CRADD: variants seen among roughly 807,000 people sequenced by gnomAD.
The protein encoded by CRADD is CARD and death domain containing adaptor protein, also known as death domain-containing protein CRADD.
Under a neutral mutation model 15.5 loss-of-function variants are expected in CRADD, and 9 were observed. The observed-to-expected ratio is 0.58, with a 90% CI of 0.35 to 1.01. The LOEUF (loss-of-function observed/expected upper bound fraction) is 1.01. Among genes scored for constraint, CRADD ranks in the 50% least tolerant of loss-of-function variants. The pLI is 0.02. For missense variants in CRADD, 227 were observed against 250.3 expected, an observed-to-expected ratio of 0.91 and a Z score of 0.63; for synonymous variants, 118 against 107.6, an observed-to-expected ratio of 1.10 and a Z score of -0.60.
intron 2 of CRADD, among the ~76,000 whole-genome samples, chr12:93,703,978 C>CTTTTTCT (rs1955889832): frequency 1.1e-5 from 1 of 90,270 alleles, no homozygotes; most frequent in Non-Finnish European, 2.2e-5. Context: ...TGGAGCCTTT[C>CTTTTTCT]TTTTTTTTTT....
intron 2 of CRADD, among the ~76,000 whole-genome samples, chr12:93,702,269 A>T (rs575630426): frequency 6.6e-6 from 1 of 152,254 alleles, no homozygotes; most frequent in South Asian, 2.1e-4. Context: ...GAGTTGTTGG[A>T]TGATCTTGAT....
At chr12:93,849,610 A>C (rs530689260) in intron 2 of CRADD, among the ~76,000 whole-genome samples, 1 of 152,158 alleles carries the variant, frequency 6.6e-6, no homozygotes, top group East Asian at 1.9e-4. Flanking sequence ...GCATGGTGGC[A>C]GTTGCCTGTA....
intron 2 of CRADD, among the ~76,000 whole-genome samples, chr12:93,757,948 G>A (rs1365736951): frequency 6.6e-6 from 1 of 152,222 alleles, no homozygotes; most frequent in Non-Finnish European, 1.5e-5. Context: ...TGGCAGTGGT[G>A]CAGATAGAAA....
At chr12:93,738,244 G>A in intron 2 of CRADD, 1 of 632,504 alleles carries the variant, frequency 1.6e-6, no homozygotes, top group Non-Finnish European at 2.8e-6. Flanking sequence ...GGGGTGGGGA[G>A]CTGGAGAAGA....
chr12:93,716,716 C>A (rs1956170625), intron 2 of CRADD, among the ~76,000 whole-genome samples: 1 of 152,130 alleles, frequency 6.6e-6, no homozygotes, highest in African/African-American at 2.4e-5. Flanking sequence ...TAGCTCGTTT[C>A]CTTTTAGTGC....
chr12:93,847,516 A>AAAAAAC (rs1958143724), intron 2 of CRADD, among the ~76,000 whole-genome samples: 1 of 140,480 alleles, frequency 7.1e-6, no homozygotes. Context: ...AAAAAAAAAA[A>AAAAAAC]AAAAACCTCC....
chr12:93,775,746 C>T (rs1226926985), intron 2 of CRADD, among the ~76,000 whole-genome samples: 1 of 152,034 alleles, frequency 6.6e-6, no homozygotes, highest in East Asian at 1.9e-4. Context: ...GTCAGGGTTG[C>T]CAGGGGTCGA....
At chr12:93,697,056 C>T (rs1200964573) in intron 2 of CRADD, among the ~76,000 whole-genome samples, 1 of 152,126 alleles carries the variant, frequency 6.6e-6, no homozygotes, top group African/African-American at 2.4e-5. Context: ...GTAAATCTGA[C>T]ATGTTTTCTT....
In CRADD at chr12:93,706,124, T is replaced by G. The variant is rs150396953; in HGVS notation, c.298+27052T>G. 2.1e-3 allele frequency among the ~76,000 whole-genome samples: 325 copies of G among 152,368 alleles called. 3 individuals carry two copies. Among genetic ancestry groups the G allele is most frequent in the African/African-American group, 7.4e-3 (309 of 41,586 alleles). ...CATTTTGGTTTCTTTTGTTATGGTT[T>G]TATTGTTGTTATTGCTAATGAATGA... On this transcript the variant is annotated intron_variant, in intron 2 of 2. Coordinates refer to ENST00000332896, the MANE Select transcript of CRADD (RefSeq NM_003805.5).
chr12:93,885,198 CA>C (rs1333864910), intron 2 of CRADD, among the ~76,000 whole-genome samples: 10 of 152,160 alleles, frequency 6.6e-5, no homozygotes, highest in African/African-American at 2.4e-4. Context: ...CTTTTAAATT[CA>C]GCCATAGTGG....
At chr12:93,842,078 AC>A (rs1475753523) in intron 2 of CRADD, among the ~76,000 whole-genome samples, 1 of 152,064 alleles carries the variant, frequency 6.6e-6, no homozygotes, top group African/African-American at 2.4e-5. Context: ...TAGTTAAAAA[AC>A]TTTTTTGACT....
chr12:93,758,633 T>A (rs983785713), intron 2 of CRADD, among the ~76,000 whole-genome samples: 1 of 152,120 alleles, frequency 6.6e-6, no homozygotes, highest in Non-Finnish European at 1.5e-5. Context: ...ATTGTTTTCA[T>A]GTTTTAAATG....
chr12:93,679,420 A>G (rs1955235474), intron 2 of CRADD, among the ~76,000 whole-genome samples: 1 of 152,028 alleles, frequency 6.6e-6, no homozygotes, highest in Non-Finnish European at 1.5e-5. Flanking sequence ...GGGATTACAG[A>G]CGTGAGCCAC....
intron 2 of CRADD, among the ~76,000 whole-genome samples, chr12:93,694,694 A>G (rs114153529): frequency 0.012 from 1,895 of 152,316 alleles, 28 homozygotes; most frequent in African/African-American, 0.042. Flanking sequence ...AAAAGAGATC[A>G]AGGAAACAAT....
intron 2 of CRADD, among the ~76,000 whole-genome samples, chr12:93,803,793 G>A (rs1957503607): frequency 6.6e-6 from 1 of 152,056 alleles, no homozygotes; most frequent in African/African-American, 2.4e-5. Context: ...CTTTGCAGGT[G>A]TGATTAAGGG....
chr12:93,863,933 T>C (rs1958340970), intron 2 of CRADD, among the ~76,000 whole-genome samples: 1 of 152,200 alleles, frequency 6.6e-6, no homozygotes, highest in Non-Finnish European at 1.5e-5. Flanking sequence ...CAATGTTATT[T>C]ATATATTTTA....
intron 2 of CRADD, among the ~76,000 whole-genome samples, chr12:93,704,913 C>G (rs538449552): frequency 3.9e-5 from 6 of 152,214 alleles, no homozygotes; most frequent in Admixed American, 1.3e-4. Context: ...CCCAGTTTTG[C>G]TCTAATAAGT....
chr12:93,772,278 T>G (rs961749025), intron 2 of CRADD, among the ~76,000 whole-genome samples: 1 of 152,236 alleles, frequency 6.6e-6, no homozygotes, highest in Admixed American at 6.5e-5. Context: ...AAAAGCCATT[T>G]TGATCTGTGA....
chr12:93,893,687 C>A (rs1170602311), intron 2 of CRADD, among the ~76,000 whole-genome samples: 1 of 152,136 alleles, frequency 6.6e-6, no homozygotes, highest in Admixed American at 6.5e-5. Context: ...GGGCCGATCA[C>A]CTGAGGTCAG....
Sources: gnomAD v4.1 joint callset for allele counts (sites outside exome capture counted in the v4.1 genomes callset) on GRCh38, gnomAD v4.1.1 for gene constraint, MANE v1.5 for transcripts, NCBI Gene and HGNC (gene_info 2026-07-23, HGNC 2026-07-21) for gene names.